ADGRL2: variants seen among roughly 807,000 people sequenced by gnomAD.
The protein encoded by ADGRL2 is calcium-independent alpha-latrotoxin receptor 2.
ADGRL2 carries 44 observed loss-of-function variants against 157.4 expected under a neutral mutation model. The observed-to-expected ratio is 0.28, with a 90% CI of 0.22 to 0.36. ADGRL2 has a LOEUF of 0.36. Among genes scored for constraint, ADGRL2 ranks in the 10% least tolerant of loss-of-function variants. The pLI, the probability that ADGRL2 is intolerant of heterozygous loss-of-function variation, is 1.00. For missense variants in ADGRL2, 1,510 were observed against 1,768.9 expected (o/e 0.85, Z 2.63); for synonymous variants, 585 against 624.7 (o/e 0.94, Z 0.95).
At chr1:81,639,540 C>CAAAAAAAAAAAA (rs56281820) in intron 3 of ADGRL2, among the ~76,000 whole-genome samples, 3 of 82,980 alleles carry the variant, frequency 3.6e-5, no homozygotes, top group African/African-American at 5.0e-5. Flanking sequence ...TCCATCTCTA[C>CAAAAAAAAAAAA]AAAAAAAAAA....
At chr1:81,520,193 G>A (rs75712660) in intron 2 of ADGRL2, among the ~76,000 whole-genome samples, 1 of 152,012 alleles carries the variant, frequency 6.6e-6, no homozygotes, top group Non-Finnish European at 1.5e-5. Flanking sequence ...AGCTACCCTG[G>A]TATTGCCTGC....
chr1:81,799,310 T>C (rs140387444), upstream of ADGRL2, among the ~76,000 whole-genome samples: 1 of 142,902 alleles, frequency 7.0e-6, no homozygotes, highest in Admixed American at 7.0e-5. Context: ...GTGTATGTAG[T>C]TTAAAGCACC....
intron 3 of ADGRL2, among the ~76,000 whole-genome samples, chr1:81,678,779 G>A (rs1485216314): frequency 2.0e-5 from 3 of 152,238 alleles, no homozygotes; most frequent in South Asian, 2.1e-4. Context: ...AGAAGGTTCC[G>A]AGGTGGTCCC....
chr1:81,728,188 A>G (rs2084601766), intron 1 of ADGRL2, among the ~76,000 whole-genome samples: 1 of 152,172 alleles, frequency 6.6e-6, no homozygotes, highest in Non-Finnish European at 1.5e-5. Flanking sequence ...CCAGAAGTAC[A>G]AATTGTGTCC....
chr1:81,601,152 AT>A (rs1277310448), intron 3 of ADGRL2, among the ~76,000 whole-genome samples: 1 of 152,268 alleles, frequency 6.6e-6, no homozygotes, highest in Non-Finnish European at 1.5e-5. Flanking sequence ...ACCAAAAAAA[AT>A]AAATCATTAA....
chr1:81,487,186 T>A (rs2078526621), intron 2 of ADGRL2, among the ~76,000 whole-genome samples: 1 of 151,658 alleles, frequency 6.6e-6, no homozygotes, highest in Non-Finnish European at 1.5e-5. Context: ...GAGGATTGCT[T>A]AAGCCCAGGA....
rs566413529 is a variant in ADGRL2, at chr1:81,771,547, G to GA, written c.-101+9703dup. Among the ~76,000 whole-genome samples the GA allele has an allele frequency of 1.2e-4, 18 of 151,876 alleles. No homozygotes were observed. In the South Asian group the frequency reaches 2.7e-3, roughly 23 times the overall value. On this transcript the variant is annotated intron_variant, in intron 2 of 20. Coordinates refer to the ADGRL2 transcript ENST00000359929. ...CTTACTTCAATGTATAACTAAAGAG[G>GA]AAAAAAAATCTCTCTTGAAAATTCA...
intron 1 of ADGRL2, among the ~76,000 whole-genome samples, chr1:81,818,044 C>T (rs919819815): frequency 2.6e-5 from 4 of 151,892 alleles, no homozygotes; most frequent in Non-Finnish European, 5.9e-5. Context: ...CGGGGTGGTG[C>T]GTGCCTGTAG....
intron 3 of ADGRL2, among the ~76,000 whole-genome samples, chr1:81,936,200 A>G (rs1172147344): frequency 6.6e-6 from 1 of 151,956 alleles, no homozygotes; most frequent in Non-Finnish European, 1.5e-5. Flanking sequence ...AGTATGTACA[A>G]TGAAGAAATT....
At chr1:81,987,739 A>G (rs1275625546) in intron 22 of ADGRL2, 130 bp from the exon 23 acceptor site, 1 of 202,600 alleles carries the variant, frequency 4.9e-6, no homozygotes. Flanking sequence ...TTTATTTGTG[A>G]TGAATATTTG....
At chr1:81,575,542 T>C (rs1258428213) in intron 2 of ADGRL2, among the ~76,000 whole-genome samples, 2 of 152,126 alleles carry the variant, frequency 1.3e-5, no homozygotes, top group African/African-American at 2.4e-5. Flanking sequence ...CAAGGGCTAA[T>C]TATTTTTAGT....
At position 81,338,168 on chromosome 1, in the gene ADGRL2, G is replaced by C. The variant is rs1365958481; in HGVS notation, c.-302+31659G>C. 2.2e-4 allele frequency among the ~76,000 whole-genome samples: 33 copies of C among 152,194 alleles called. 2 individuals are homozygous for C. The highest frequency in any genetic ancestry group is 8.8e-5 in the Non-Finnish European group (6 of 68,008). On this transcript the variant is annotated intron_variant, in intron 1 of 24. Coordinates refer to the ADGRL2 transcript ENST00000370721. ...ACCTGAGGTCAGAAGTTCGCGACCA[G>C]CCTGGACAACATGGCAAAATCCTGT...
At chr1:81,424,646 T>A (rs187121677) in intron 1 of ADGRL2, among the ~76,000 whole-genome samples, 2 of 152,362 alleles carry the variant, frequency 1.3e-5, no homozygotes, top group East Asian at 3.9e-4. Flanking sequence ...GCTTTATTTT[T>A]AATCTTCATG....
At chr1:81,799,703 T>A (rs1204432246), upstream of ADGRL2, among the ~76,000 whole-genome samples, 1 of 152,340 alleles carries the variant, frequency 6.6e-6, no homozygotes, top group East Asian at 1.9e-4. Flanking sequence ...AAGTACCTAT[T>A]GTTTCTGAAA....
chr1:81,317,406 C>T (rs1173888694), intron 1 of ADGRL2, among the ~76,000 whole-genome samples: 5 of 152,176 alleles, frequency 3.3e-5, no homozygotes, highest in Non-Finnish European at 7.3e-5. Flanking sequence ...GAAAGTGCCA[C>T]TGACTGGTCT....
At chr1:81,507,941 T>G (rs1307414963) in intron 2 of ADGRL2, among the ~76,000 whole-genome samples, 1 of 152,182 alleles carries the variant, frequency 6.6e-6, no homozygotes, top group Admixed American at 6.5e-5. Flanking sequence ...AAAAATAGTG[T>G]TAAAGGTTCT....
intron 1 of ADGRL2, among the ~76,000 whole-genome samples, chr1:81,831,212 T>A (rs2091921572): frequency 6.6e-6 from 1 of 152,232 alleles, no homozygotes. Flanking sequence ...TCTTTGGACT[T>A]ACTATGAACA....
chr1:81,884,280 T>A (rs567634116), intron 2 of ADGRL2, among the ~76,000 whole-genome samples: 1 of 152,332 alleles, frequency 6.6e-6, no homozygotes, highest in Non-Finnish European at 1.5e-5. Flanking sequence ...CATCCCAAAC[T>A]GCCTTCCTTT....
At chr1:81,914,143 G>C (rs567125399) in intron 3 of ADGRL2, among the ~76,000 whole-genome samples, 1 of 152,018 alleles carries the variant, frequency 6.6e-6, no homozygotes, top group Non-Finnish European at 1.5e-5. Context: ...ATTTCGGCTT[G>C]TGTATACTCT....
Sources: allele counts gnomAD v4.1 joint callset (sites outside exome capture counted in the v4.1 genomes callset), GRCh38; gene constraint gnomAD v4.1.1; transcripts MANE v1.5; gene names NCBI Gene and HGNC (gene_info 2026-07-23, HGNC 2026-07-21).